The following ST18 variants were observed in gnomAD, a reference collection of about 807,000 sequenced individuals.
ST18 encodes the protein ST18 C2H2C-type zinc finger transcription factor.
In ST18, 50 loss-of-function variants were observed where a neutral mutation model predicts 110.0. The ratio of observed to expected loss-of-function variants is 0.45; its 90% CI spans 0.36 to 0.58. The LOEUF is 0.58. ST18 is among the 20% of genes least tolerant of loss of function. The pLI is 0.00. For synonymous variants in ST18, 461 were observed against 452.4 expected, an observed-to-expected ratio of 1.02 and a Z score of -0.24; for missense variants, 1,306 against 1,280.1, an observed-to-expected ratio of 1.02 and a Z score of -0.31.
chr8:52,132,944 T>C, intron 21 of ST18, 113 bp downstream of exon 21: 2 of 1,183,312 alleles, frequency 1.7e-6, no homozygotes, highest in Non-Finnish European at 1.2e-6. Flanking sequence ...TTATATTTAA[T>C]AGGGTACACC....
chr8:52,180,102 T>C lies in ST18; in HGVS notation c.277+20A>G. 2.5e-6 allele frequency: 4 copies of C among 1,612,128 alleles called. No homozygotes were observed. Among genetic ancestry groups the C allele is most frequent in the Non-Finnish European group, 3.4e-6 (4 of 1,178,628 alleles). On this transcript the variant is annotated intron_variant, in intron 9 of 25. Transcript: ENST00000689386. Reference sequence around the variant, plus strand: ...TTGGAGCCAGGGAGCAGGTAAAGTTTGGGCTCTCCTCCTTGCTACCTGCGG... The same window carrying C: ...TTGGAGCCAGGGAGCAGGTAAAGTTCGGGCTCTCCTCCTTGCTACCTGCGG...
intron 2 of ST18, among the ~76,000 whole-genome samples, chr8:52,291,244 C>T (rs889007799): frequency 6.6e-6 from 1 of 152,232 alleles, no homozygotes; most frequent in Admixed American, 6.5e-5. Flanking sequence ...CAACCAACGC[C>T]TTTTCCTCCC....
chr8:52,180,651 A>G (rs1478340121), intron 8 of ST18, among the ~76,000 whole-genome samples: 3 of 151,990 alleles, frequency 2.0e-5, no homozygotes, highest in Non-Finnish European at 4.4e-5. Flanking sequence ...CTAATGTGAA[A>G]AATATACCAC....
chr8:52,307,166 T>C (rs985572837), intron 2 of ST18, among the ~76,000 whole-genome samples: 11 of 150,850 alleles, frequency 7.3e-5, no homozygotes, highest in African/African-American at 2.5e-4. Context: ...AAAAAAAAAA[T>C]CAAGATGTGA....
intron 2 of ST18, among the ~76,000 whole-genome samples, chr8:52,395,388 A>G (rs1308963549): frequency 6.6e-6 from 1 of 152,218 alleles, no homozygotes; most frequent in African/African-American, 2.4e-5. Context: ...GTGGAGTGGG[A>G]CTTGCCAGCT....
rs184737406 is a variant in ST18 at position 52,287,194 on chromosome 8, C to T, written c.-464-57117G>A. 5.5e-4 allele frequency among the ~76,000 whole-genome samples: 84 copies of T among 152,166 alleles called. No homozygotes were observed. The East Asian group carries it at 0.012, about 22-fold the overall frequency. The stretch of plus-strand genomic sequence containing the variant: ...AGGTCCAGAGAAATTAGAAGAAATT[C>T]AAAAATGATGGTCATCCCCAAATTT... On this transcript the variant is annotated intron_variant, in intron 2 of 25. Transcript: ENST00000689386.
chr8:52,136,173 G>A (rs192828920), intron 19 of ST18, among the ~76,000 whole-genome samples: 11 of 152,176 alleles, frequency 7.2e-5, no homozygotes, highest in Non-Finnish European at 1.2e-4. Context: ...TCTTGGTTTG[G>A]GTGTTTTTGG....
At chr8:52,178,106 A>G (rs191961467) in intron 9 of ST18, among the ~76,000 whole-genome samples, 3 of 152,310 alleles carry the variant, frequency 2.0e-5, no homozygotes, top group Admixed American at 2.0e-4. Context: ...GTTCATATCA[A>G]ACATGTACAG....
chr8:52,384,839 T>TA (rs1379187252), intron 2 of ST18, among the ~76,000 whole-genome samples: 4 of 151,490 alleles, frequency 2.6e-5, no homozygotes, highest in African/African-American at 9.7e-5. Flanking sequence ...CTAGGCCCCT[T>TA]AAAAATGGAA....
At chr8:52,116,453 G>A in intron 24 of ST18, 35 bp from the exon 25 acceptor site, 1 of 1,596,636 alleles carries the variant, frequency 6.3e-7, no homozygotes, top group South Asian at 1.1e-5. Context: ...GTGAGTAGTG[G>A]AGTTTGGAAG....
intron 15 of ST18, among the ~76,000 whole-genome samples, chr8:52,154,244 C>T (rs1448637812): frequency 6.6e-6 from 1 of 152,196 alleles, no homozygotes; most frequent in Non-Finnish European, 1.5e-5. Flanking sequence ...CAGAGGGCCG[C>T]CAGACTTCCT....
chr8:52,172,017 C>T lies in ST18; in HGVS notation c.844G>A (p.Asp282Asn). 3 of 1,614,242 alleles carry T rather than the reference C, an allele frequency of 1.9e-6. No homozygotes were observed. The highest frequency in any genetic ancestry group is 1.7e-6 in the Non-Finnish European group (2 of 1,180,040). Reference sequence around the variant, plus strand: ...GTCATTACTGCCAGGCTCTCGCTATCTTCCTCCTCAACGTCAGGGAATGAG... The same window carrying T: ...GTCATTACTGCCAGGCTCTCGCTATTTTCCTCCTCAACGTCAGGGAATGAG... ...QPSFPDVEEE[D>N]SESLAVMTEE... is the part of the protein sequence containing the mutation. The change falls in exon 10 of 26, where the codon GAT becomes AAT. Residue 282 changes from aspartate to asparagine, a missense_variant. Transcript: ENST00000689386.
rs533846617 is a variant in ST18 at position 52,358,256 on chromosome 8, AG to A, written c.-465+51071del. Among the ~76,000 whole-genome samples, 68 of 152,094 alleles carry A rather than the reference AG, an allele frequency of 4.5e-4. No individual in the cohort carries two copies. In the South Asian group the frequency reaches 0.014, roughly 32 times the overall value. On this transcript the variant is annotated intron_variant, in intron 2 of 25. Transcript: ENST00000689386. Reference sequence around the variant, plus strand: ...TAAACACCTCTACTCAAAAAGAAAAAGGATCCCAAATTAATATCCACCTTTA... The same window carrying A: ...TAAACACCTCTACTCAAAAAGAAAAAGATCCCAAATTAATATCCACCTTTA...
intron 8 of ST18, among the ~76,000 whole-genome samples, chr8:52,192,071 G>T (rs748517780): frequency 2.6e-5 from 4 of 152,182 alleles, no homozygotes; most frequent in Non-Finnish European, 4.4e-5. Flanking sequence ...GGCACAGAGG[G>T]GTCATTGATG....
chr8:52,404,291 T>G (rs1363896531), intron 2 of ST18: 1 of 152,174 alleles, frequency 6.6e-6, no homozygotes, highest in East Asian at 1.9e-4. Flanking sequence ...TTTGAGAGAA[T>G]TAAACGAGAC....
intron 16 of ST18, among the ~76,000 whole-genome samples, 153 bp from the exon 17 acceptor site, chr8:52,143,198 T>C (rs1351914456): frequency 2.0e-5 from 3 of 152,134 alleles, no homozygotes; most frequent in African/African-American, 7.2e-5. Flanking sequence ...AAGAAATAAA[T>C]AATATAGGCC....
At chr8:52,201,445 T>G (rs1256266798) in intron 8 of ST18, 2 of 152,188 alleles carry the variant, frequency 1.3e-5, no homozygotes, top group African/African-American at 4.8e-5. Context: ...CCTAGGGGCA[T>G]GTTCCAACAT....
chr8:52,357,833 C>A (rs566508487), intron 2 of ST18, among the ~76,000 whole-genome samples: 4 of 149,612 alleles, frequency 2.7e-5, no homozygotes, highest in African/African-American at 9.7e-5. Flanking sequence ...AGGCCATGAA[C>A]AATAGCATAA....
At chr8:52,406,052 T>C (rs751886343) in intron 2 of ST18, 10 of 152,182 alleles carry the variant, frequency 6.6e-5, no homozygotes, top group Admixed American at 4.6e-4. Flanking sequence ...CCATATTATA[T>C]TGCCTTATTT....
Sources: gnomAD v4.1 joint callset for allele counts (sites outside exome capture counted in the v4.1 genomes callset) on GRCh38, gnomAD v4.1.1 for gene constraint, MANE v1.5 for transcripts, NCBI Gene and HGNC (gene_info 2026-07-23, HGNC 2026-07-21) for gene names.